KLHL13: variants seen among roughly 807,000 people sequenced by gnomAD.
KLHL13 encodes kelch like family member 13, also known as kelch-like protein 13.
In KLHL13, 10 loss-of-function variants were observed where a neutral mutation model predicts 37.1. The observed-to-expected ratio is 0.27, with a 90% CI of 0.17 to 0.46. The LOEUF is 0.46. KLHL13 is among the 20% of genes least tolerant of loss of function. The pLI is 1.00. For synonymous variants in KLHL13, 163 were observed against 181.2 expected, an observed-to-expected ratio of 0.90 and a Z score of 0.81; for missense variants, 360 against 509.3, an observed-to-expected ratio of 0.71 and a Z score of 2.82.
At chrX:118,094,391 G>T (rs1026723121) in intron 1 of KLHL13, among the ~76,000 whole-genome samples, 3 of 111,478 alleles carry the variant, frequency 2.7e-5, no homozygotes, top group Non-Finnish European at 3.8e-5. Flanking sequence ...GGGATTATGT[G>T]AAAAGACCAA....
chrX:118,007,946 T>A (rs1325832748), intron 1 of KLHL13, among the ~76,000 whole-genome samples: 1 of 112,058 alleles, frequency 8.9e-6, no homozygotes, highest in Non-Finnish European at 1.9e-5. Flanking sequence ...TTCATTTTAA[T>A]CTGAAACAAA....
chrX:118,102,919 T>C (rs1224586530), intron 1 of KLHL13, among the ~76,000 whole-genome samples: 1 of 112,147 alleles, frequency 8.9e-6, no homozygotes, highest in Non-Finnish European at 1.9e-5. Flanking sequence ...GAAAACTCAA[T>C]ATTCACATTA....
At chrX:118,007,327 TGA>T (rs1302194087) in intron 1 of KLHL13, among the ~76,000 whole-genome samples, 1 of 94,586 alleles carries the variant, frequency 1.1e-5, no homozygotes, top group Non-Finnish European at 2.0e-5. Context: ...GAGAATCACT[TGA>T]GCCACTGCAC....
chrX:118,032,796 C>A (rs970458485), intron 1 of KLHL13, among the ~76,000 whole-genome samples: 1 of 111,637 alleles, frequency 9.0e-6, no homozygotes, highest in Non-Finnish European at 1.9e-5. Context: ...TTACTCCGAG[C>A]TAAGGGAGGA....
intron 1 of KLHL13, among the ~76,000 whole-genome samples, chrX:117,948,335 C>G (rs1289677019): frequency 8.9e-6 from 1 of 112,094 alleles, no homozygotes; most frequent in Non-Finnish European, 1.9e-5. Context: ...TTAATTATCA[C>G]TAATTCTTCC....
At chrX:117,909,940 C>T (rs1003171081) in exon 5 of KLHL13, 8 of 1,211,416 alleles carry the variant, frequency 6.6e-6, no homozygotes, top group Non-Finnish European at 8.9e-6. Context: ...CTGGAAAGCA[C>T]GAAGGCAAGA....
At chrX:117,912,194 G>A (rs891215155) in intron 4 of KLHL13, among the ~76,000 whole-genome samples, 1 of 111,872 alleles carries the variant, frequency 8.9e-6, no homozygotes, top group Non-Finnish European at 1.9e-5. Context: ...CAGAGTGAAG[G>A]TGATTTATAC....
At chrX:117,983,479 C>A (rs935597637) in intron 1 of KLHL13, 19 of 1,131,247 alleles carry the variant, frequency 1.7e-5, no homozygotes, top group Non-Finnish European at 2.2e-5. Flanking sequence ...CCTGGACATA[C>A]CCTGAAGTTG....
intron 1 of KLHL13, among the ~76,000 whole-genome samples, chrX:118,101,536 A>G (rs1224295054): frequency 4.5e-5 from 5 of 111,831 alleles, no homozygotes; most frequent in Non-Finnish European, 9.4e-5. Flanking sequence ...TGTGAGGTAC[A>G]GGAGGCTCAA....
rs201226351 is a variant in KLHL13, at chrX:118,084,156, C to CAA, written c.-56+32350_-56+32351dup. ...GCAACATAATGAAACTCTGTCTCTA[C>CAA]AAAAAAAAAAAAAATGTTTAAAAAC... On this transcript the variant is annotated intron_variant, in intron 1 of 6. Coordinates refer to the KLHL13 transcript ENST00000371882. Among the ~76,000 whole-genome samples the CAA allele has an allele frequency of 5.3e-4, 43 of 80,714 alleles. 1 individual carries two copies. The highest frequency in any genetic ancestry group is 1.7e-3 in the African/African-American group (37 of 22,290). 70.1% of individuals were successfully genotyped at this position (80,714 alleles called of 115,157 possible).
intron 1 of KLHL13, among the ~76,000 whole-genome samples, chrX:117,971,524 A>C (rs2053523363): frequency 9.0e-6 from 1 of 111,013 alleles, no homozygotes. Flanking sequence ...CATAAAGTTT[A>C]ACACCCAAAG....
intron 1 of KLHL13, among the ~76,000 whole-genome samples, chrX:117,960,150 G>C (rs780857152): frequency 5.4e-5 from 6 of 111,063 alleles, no homozygotes; most frequent in Admixed American, 9.7e-5. Flanking sequence ...GGCACAGGTT[G>C]GGGGCAGGGG....
intron 1 of KLHL13, among the ~76,000 whole-genome samples, chrX:118,020,608 G>C (rs756593621): frequency 1.1e-4 from 12 of 110,832 alleles, no homozygotes; most frequent in African/African-American, 3.9e-4. Flanking sequence ...TCTAGAACTA[G>C]AAATACCATT....
At chrX:118,082,297 A>G (rs1453985626) in intron 1 of KLHL13, among the ~76,000 whole-genome samples, 1 of 110,856 alleles carries the variant, frequency 9.0e-6, no homozygotes, top group Non-Finnish European at 1.9e-5. Flanking sequence ...GATAATAGCA[A>G]TTCTAACAGG....
At chrX:118,072,631 C>T (rs1201239039) in intron 1 of KLHL13, among the ~76,000 whole-genome samples, 1 of 111,484 alleles carries the variant, frequency 9.0e-6, no homozygotes, top group Non-Finnish European at 1.9e-5. Flanking sequence ...AACAAATTTA[C>T]AAGAAAAAAA....
intron 1 of KLHL13, among the ~76,000 whole-genome samples, chrX:118,047,668 G>A (rs73597434): frequency 0.027 from 3,021 of 111,761 alleles, 100 homozygotes; most frequent in African/African-American, 0.092. Flanking sequence ...TTTAATTGAG[G>A]CACTGTTTTC....
chrX:117,969,239 C>A (rs1448984846), intron 1 of KLHL13, among the ~76,000 whole-genome samples: 2 of 111,258 alleles, frequency 1.8e-5, no homozygotes, highest in Non-Finnish European at 3.8e-5. Context: ...TCAAAACTCG[C>A]TGCTGGAAAA....
At chrX:118,101,624 T>C (rs1009449439) in intron 1 of KLHL13, among the ~76,000 whole-genome samples, 2 of 111,186 alleles carry the variant, frequency 1.8e-5, no homozygotes, top group East Asian at 5.6e-4. Flanking sequence ...GGATGAGTAG[T>C]GATATCGTTT....
At chrX:118,097,757 C>T (rs2055229833) in intron 1 of KLHL13, among the ~76,000 whole-genome samples, 2 of 111,227 alleles carry the variant, frequency 1.8e-5, no homozygotes, top group East Asian at 2.8e-4. Flanking sequence ...CAGAACAGAG[C>T]CCTCAGAAAT....
Sources: gnomAD v4.1 joint callset for allele counts (sites outside exome capture counted in the v4.1 genomes callset) on GRCh38, gnomAD v4.1.1 for gene constraint, MANE v1.5 for transcripts, NCBI Gene and HGNC (gene_info 2026-07-23, HGNC 2026-07-21) for gene names.